The following PEAK1 variants were observed in gnomAD, a reference collection of about 807,000 sequenced individuals.
PEAK1 encodes the protein pseudopodium enriched atypical kinase 1, also known as inactive tyrosine-protein kinase PEAK1.
A neutral mutation model predicts 124.7 loss-of-function variants in PEAK1; 54 were observed. The ratio of observed to expected loss-of-function variants is 0.43; its 90% CI spans 0.35 to 0.54. The LOEUF (loss-of-function observed/expected upper bound fraction) is 0.54. PEAK1 is among the 20% of genes least tolerant of loss of function. The probability of loss-of-function intolerance (pLI) is 0.01; values close to 1 mark genes in which losing one functional copy is unlikely to be tolerated. For missense variants in PEAK1, 2,046 were observed against 2,134.5 expected, an observed-to-expected ratio of 0.96 and a Z score of 0.82; for synonymous variants, 719 against 760.0, an observed-to-expected ratio of 0.95 and a Z score of 0.89.
At chr15:77,246,300 C>A (rs991318496) in intron 6 of PEAK1, among the ~76,000 whole-genome samples, 62 of 152,302 alleles carry the variant, frequency 4.1e-4, no homozygotes, top group African/African-American at 1.5e-3. Flanking sequence ...AGCCACTGTG[C>A]CTGGCCCCTG....
chr15:77,395,604 C>T (rs187916803), intron 1 of PEAK1, among the ~76,000 whole-genome samples: 87 of 151,916 alleles, frequency 5.7e-4, no homozygotes, highest in African/African-American at 2.0e-3. Context: ...ATAAGACTGG[C>T]GGGAGACTTT....
intron 2 of PEAK1, chr15:77,332,926 T>A (rs763294558): frequency 6.6e-6 from 2 of 304,186 alleles, no homozygotes; most frequent in Non-Finnish European, 9.6e-6. Context: ...CTTTCCCACA[T>A]TTATTGGTTG....
At chr15:77,362,371 A>C (rs940327058) in intron 2 of PEAK1, among the ~76,000 whole-genome samples, 2 of 152,190 alleles carry the variant, frequency 1.3e-5, no homozygotes, top group African/African-American at 4.8e-5. Context: ...AAGAAAAAGA[A>C]AATGTTCAAA....
At chr15:77,344,164 C>T (rs572052759) in intron 2 of PEAK1, among the ~76,000 whole-genome samples, 15 of 152,096 alleles carry the variant, frequency 9.9e-5, no homozygotes, top group African/African-American at 2.7e-4. Context: ...GCGCCATCTC[C>T]GCTCACTGCA....
At chr15:77,409,458 GTCT>G (rs2072217881) in intron 1 of PEAK1, among the ~76,000 whole-genome samples, 1 of 152,204 alleles carries the variant, frequency 6.6e-6, no homozygotes, top group African/African-American at 2.4e-5. Flanking sequence ...GCTCCAGGCA[GTCT>G]GGGTCCCAAA....
intron 1 of PEAK1, among the ~76,000 whole-genome samples, chr15:77,379,658 T>C (rs1000480548): frequency 4.6e-5 from 7 of 152,064 alleles, no homozygotes; most frequent in African/African-American, 1.7e-4. Flanking sequence ...CCATCCAACA[T>C]AGAATACACC....
intron 2 of PEAK1, among the ~76,000 whole-genome samples, chr15:77,297,283 T>C (rs1390170060): frequency 1.3e-5 from 2 of 151,878 alleles, no homozygotes; most frequent in Non-Finnish European, 2.9e-5. Flanking sequence ...CTGCCTCTGA[T>C]AGTAACAGAA....
At chr15:77,328,701 A>G (rs1262572517) in intron 2 of PEAK1, among the ~76,000 whole-genome samples, 1 of 152,120 alleles carries the variant, frequency 6.6e-6, no homozygotes, top group Non-Finnish European at 1.5e-5. Context: ...GGCAAAGTCT[A>G]TTTTTCTTTC....
At chr15:77,243,042 GA>G (rs2060427883) in intron 6 of PEAK1, among the ~76,000 whole-genome samples, 1 of 152,122 alleles carries the variant, frequency 6.6e-6, no homozygotes, top group Non-Finnish European at 1.5e-5. Context: ...TTTCAATTAA[GA>G]AAAATTAATT....
chr15:77,208,491 G>A (rs1037423899), intron 6 of PEAK1, among the ~76,000 whole-genome samples: 60 of 152,096 alleles, frequency 3.9e-4, no homozygotes, highest in Non-Finnish European at 1.2e-4. Flanking sequence ...TCTCAGTATT[G>A]TTTCCACAGA....
intron 6 of PEAK1, among the ~76,000 whole-genome samples, chr15:77,222,013 T>C (rs2059412280): frequency 6.6e-6 from 1 of 152,044 alleles, no homozygotes; most frequent in African/African-American, 2.4e-5. Context: ...GCCTCAAAAA[T>C]TCAGGTGAGT....
chr15:77,325,369 T>C (rs959195338), intron 2 of PEAK1, among the ~76,000 whole-genome samples: 2 of 151,618 alleles, frequency 1.3e-5, no homozygotes, highest in African/African-American at 4.9e-5. Context: ...GATCGTGCCA[T>C]TGCACTCCAG....
intron 2 of PEAK1, chr15:77,346,412 T>G: frequency 1.0e-6 from 1 of 977,028 alleles, no homozygotes; most frequent in Non-Finnish European, 1.2e-6. Flanking sequence ...AATTTCATTT[T>G]GCTAGGATGA....
At chr15:77,295,002 T>C (rs1373545599) in intron 2 of PEAK1, among the ~76,000 whole-genome samples, 2 of 152,216 alleles carry the variant, frequency 1.3e-5, no homozygotes, top group Non-Finnish European at 2.9e-5. Context: ...TAATATTTAC[T>C]ACCAATGGAT....
intron 7 of PEAK1, chr15:77,178,439 A>G (rs2057020171): frequency 6.9e-6 from 2 of 288,672 alleles, no homozygotes. Context: ...ACCACCATTT[A>G]TTCATTTGAT....
intron 2 of PEAK1, chr15:77,334,763 G>A: frequency 1.0e-6 from 1 of 985,170 alleles, no homozygotes; most frequent in Non-Finnish European, 1.2e-6. Context: ...CTCCTGACCT[G>A]TCTTCCTTTT....
At position 77,158,517 on chromosome 15, in the gene PEAK1, G is replaced by A; in HGVS notation, c.3317C>T (p.Thr1106Ile). 6.2e-7 allele frequency: 1 copy of A among 1,613,904 alleles called. No individual in the cohort carries two copies. Among genetic ancestry groups the A allele is most frequent in the East Asian group, 2.2e-5 (1 of 44,894 alleles). The part of the protein sequence containing the change: ...DPMDPNPCSA[T>I]YSNLGQSRAA... ...TTTGCACTTACCTAAGTTGCTGTAT[G>A]TTGCACTACAAGGGTTCGGGTCCAT... Residue 1106 changes from threonine to isoleucine, a missense_variant, in exon 8 of 10, where the codon ACA (threonine) becomes ATA (isoleucine). Coordinates refer to ENST00000682557, the MANE Select transcript of PEAK1 (RefSeq NM_001385026.1).
chr15:77,388,569 G>GA (rs2070160280), intron 1 of PEAK1, among the ~76,000 whole-genome samples: 1 of 152,148 alleles, frequency 6.6e-6, no homozygotes, highest in South Asian at 2.1e-4. Flanking sequence ...ATGCTTACCT[G>GA]AATCTTCTCT....
At chr15:77,418,928 A>T in intron 1 of PEAK1, 1 of 985,450 alleles carries the variant, frequency 1.0e-6, no homozygotes, top group Non-Finnish European at 1.2e-6. Flanking sequence ...GTTCACGTAC[A>T]TCATCCAATG....
Sources: allele counts gnomAD v4.1 joint callset (sites outside exome capture counted in the v4.1 genomes callset), GRCh38; gene constraint gnomAD v4.1.1; transcripts MANE v1.5; gene names NCBI Gene and HGNC (gene_info 2026-07-23, HGNC 2026-07-21).